Variants in PGBD5 observed in about 807,000 individuals in gnomAD.
PGBD5 encodes the protein piggyBac transposable element-derived protein 5.
PGBD5 carries 14 observed loss-of-function variants against 47.9 expected under a neutral mutation model. The ratio of observed to expected loss-of-function variants is 0.29; its 90% confidence interval spans 0.19 to 0.46. The LOEUF is 0.46. PGBD5 is among the 20% of genes least tolerant of loss of function. The pLI is 1.00. For synonymous variants in PGBD5, 316 were observed against 306.3 expected (o/e 1.03, Z -0.33); for missense variants, 635 against 716.0 (o/e 0.89, Z 1.29).
At chr1:230,329,125 G>C (rs1437024573) in intron 5 of PGBD5, among the ~76,000 whole-genome samples, 2 of 151,384 alleles carry the variant, frequency 1.3e-5, no homozygotes, top group Admixed American at 6.6e-5. Context: ...TTTTTTTTGG[G>C]GGGGGAGGTG....
intron 3 of PGBD5, among the ~76,000 whole-genome samples, chr1:230,344,444 C>T (rs556831224): frequency 3.5e-4 from 53 of 152,182 alleles, no homozygotes; most frequent in Non-Finnish European, 6.0e-4. Context: ...CCTCTTAAGG[C>T]CCTTGTGGAG....
At chr1:230,422,846 C>A (rs1449695658) in intron 1 of PGBD5, among the ~76,000 whole-genome samples, 4 of 151,998 alleles carry the variant, frequency 2.6e-5, no homozygotes, top group Admixed American at 1.3e-4. Flanking sequence ...ACTAGCACTG[C>A]TTCCTCCCTC....
rs1667551825 is a variant in PGBD5 at position 230,350,945 on chromosome 1, G to A, written c.894+13C>T. On this transcript the variant is annotated intron_variant, in intron 3 of 6. Coordinates refer to ENST00000391860, the MANE Select transcript of PGBD5 (RefSeq NM_001258311.2). ...TCTTCACCGACCCTCCCCGGGCTCA[G>A]CCCAGGGCTCACCTGGATGATGAAG... 1.2e-6 allele frequency: 2 copies of A among 1,613,464 alleles called. No homozygotes were observed. Among genetic ancestry groups the A allele is most frequent in the African/African-American group, 1.3e-5 (1 of 75,038 alleles).
rs1371718488 is a variant in PGBD5 at position 230,357,941 on chromosome 1, T to C, written c.332-620A>G. ...AAGAAAGCATGCATATACATACATA[T>C]ATATACACATGCATATATACACATA... is the stretch of plus-strand genomic sequence containing the variant. On this transcript the variant is annotated intron_variant, in intron 1 of 6. Coordinates refer to ENST00000391860, the MANE Select transcript of PGBD5 (RefSeq NM_001258311.2). The surrounding 1 kb of genome is among the most constrained non-coding windows in gnomAD (Gnocchi z 5.7). 6.6e-6 allele frequency among the ~76,000 whole-genome samples: 1 copy of C among 152,070 alleles called. No individual in the cohort carries two copies. The highest frequency in any genetic ancestry group is 1.5e-5 in the Non-Finnish European group (1 of 68,022).
At chr1:230,405,299 C>T (rs1202804710) in intron 1 of PGBD5, among the ~76,000 whole-genome samples, 2 of 152,108 alleles carry the variant, frequency 1.3e-5, no homozygotes, top group Non-Finnish European at 2.9e-5. Context: ...GATTTCCTTC[C>T]TCCTCTGCCA....
At chr1:230,398,627 C>T (rs1014583909) in intron 1 of PGBD5, among the ~76,000 whole-genome samples, 8 of 152,202 alleles carry the variant, frequency 5.3e-5, no homozygotes, top group African/African-American at 1.9e-4. Context: ...TAGGACAGAA[C>T]TAGAGACAGG....
chr1:230,350,188 G>A (rs961785448), intron 3 of PGBD5, among the ~76,000 whole-genome samples: 4 of 152,250 alleles, frequency 2.6e-5, no homozygotes, highest in African/African-American at 9.6e-5. Flanking sequence ...TGTCTGATGA[G>A]AGAAGGTGTC....
intron 1 of PGBD5, among the ~76,000 whole-genome samples, chr1:230,394,857 C>T (rs1271118310): frequency 1.0e-4 from 12 of 118,276 alleles, no homozygotes; most frequent in African/African-American, 3.9e-4. Context: ...CTCCCTCCCT[C>T]CTCTCATGCT....
intron 1 of PGBD5, among the ~76,000 whole-genome samples, chr1:230,360,427 T>C (rs765032742): frequency 3.9e-5 from 6 of 152,134 alleles, no homozygotes; most frequent in Admixed American, 3.3e-4. Flanking sequence ...AGTGATATGG[T>C]CTGGCTCTGT....
chr1:230,422,303 C>A (rs1255397154), intron 1 of PGBD5, among the ~76,000 whole-genome samples: 1 of 151,996 alleles, frequency 6.6e-6, no homozygotes, highest in Non-Finnish European at 1.5e-5. Flanking sequence ...CAAGACTGCT[C>A]AGAATAAGAA....
rs557863332 is a variant in PGBD5, at chr1:230,373,447, G to C, written c.332-16126C>G. Among the ~76,000 whole-genome samples, 33 of 152,306 alleles carry C rather than the reference G, an allele frequency of 2.2e-4. 1 individual carries two copies. Among genetic ancestry groups the C allele is most frequent in the Non-Finnish European group, 7.4e-5 (5 of 68,016 alleles). On this transcript the variant is annotated intron_variant, in intron 1 of 6. Coordinates refer to ENST00000391860, the MANE Select transcript of PGBD5 (RefSeq NM_001258311.2). ...AGCGATAACTGCCATGGGTGAGGGGGACGAGGGTGCCAAGGGCCATGGGGC... is the reference window on the plus strand; with the variant it reads ...AGCGATAACTGCCATGGGTGAGGGGCACGAGGGTGCCAAGGGCCATGGGGC...
At position 230,318,212 on chromosome 1, in the gene PGBD5, C is replaced by G. The variant is rs888287411; in HGVS notation, c.*5213G>C. ...CTGGTGCTATTTTATGGCAACAGCT[C>G]TAAGTGCCACTTTGGTACCTGATAC... On this transcript the variant is annotated 3_prime_UTR_variant, in exon 7 of 7. Transcript: ENST00000391860. 1 of 152,224 alleles carries G rather than the reference C, an allele frequency of 6.6e-6. No individual in the cohort carries two copies. The highest frequency in any genetic ancestry group is 2.4e-5 in the African/African-American group (1 of 41,460). 9.4% of individuals were successfully genotyped at this position (152,224 alleles called of 1,614,324 possible).
chr1:230,368,272 G>A, intron 1 of PGBD5: 1 of 1,196,960 alleles, frequency 8.4e-7, no homozygotes, highest in Admixed American at 3.5e-5. Context: ...TTAGAAATGT[G>A]TGTTGCTGAG....
intron 1 of PGBD5, among the ~76,000 whole-genome samples, chr1:230,359,571 C>T (rs114824837): frequency 0.012 from 1,806 of 152,328 alleles, 33 homozygotes; most frequent in African/African-American, 0.04. Context: ...TTCTAGCTAA[C>T]TGCACAGTCT....
At chr1:230,342,144 C>T (rs1025893022) in intron 3 of PGBD5, among the ~76,000 whole-genome samples, 1 of 152,138 alleles carries the variant, frequency 6.6e-6, no homozygotes, top group Non-Finnish European at 1.5e-5. Flanking sequence ...TTTCCCTCAA[C>T]TTCTCAAAAG....
chr1:230,393,271 G>A (rs936415036), intron 1 of PGBD5, among the ~76,000 whole-genome samples: 1 of 148,164 alleles, frequency 6.7e-6, no homozygotes, highest in African/African-American at 2.5e-5. Context: ...AGGGGGAGGA[G>A]GAGGGAGGAA....
intron 1 of PGBD5, chr1:230,368,103 G>A (rs1404573272): frequency 7.3e-7 from 1 of 1,367,834 alleles, no homozygotes; most frequent in African/African-American, 1.5e-5. Context: ...CCACGGATGT[G>A]CTCAAGTTCT....
At chr1:230,368,783 C>T (rs893113612) in intron 1 of PGBD5, among the ~76,000 whole-genome samples, 1 of 108,148 alleles carries the variant, frequency 9.2e-6, no homozygotes, top group African/African-American at 2.9e-5. Context: ...CCTGGTGAGG[C>T]CGGGGAAACG....
chr1:230,327,647 G>A (rs796724448), intron 5 of PGBD5, among the ~76,000 whole-genome samples: 3 of 152,320 alleles, frequency 2.0e-5, no homozygotes, highest in African/African-American at 7.2e-5. Flanking sequence ...CTTGCTTATG[G>A]AGCCCCTCCT....
Sources: gnomAD v4.1 joint callset for allele counts (sites outside exome capture counted in the v4.1 genomes callset) on GRCh38, gnomAD v4.1.1 for gene constraint, Gnocchi (gnomAD v3.1) non-coding constraint, MANE v1.5 for transcripts, NCBI Gene and HGNC (gene_info 2026-07-23, HGNC 2026-07-21) for gene names.